GPC5: variants seen among roughly 807,000 people sequenced by gnomAD.
GPC5 encodes glypican 5.
GPC5 carries 47 observed loss-of-function variants against 53.9 expected under a neutral mutation model. The observed-to-expected ratio is 0.87, with a 90% CI of 0.69 to 1.11. The LOEUF (loss-of-function observed/expected upper bound fraction) is 1.11. Among genes scored for constraint, GPC5 ranks in the 50% most tolerant of loss-of-function variants. The probability of loss-of-function intolerance (pLI) is 0.00; values close to 1 mark genes in which losing one functional copy is unlikely to be tolerated. For synonymous variants in GPC5, 286 were observed against 263.3 expected, an observed-to-expected ratio of 1.09 and a Z score of -0.84; for missense variants, 748 against 713.1, an observed-to-expected ratio of 1.05 and a Z score of -0.56.
chr13:92,581,883 C>A (rs1420670298), intron 7 of GPC5, among the ~76,000 whole-genome samples: 3 of 152,012 alleles, frequency 2.0e-5, no homozygotes, highest in Non-Finnish European at 4.4e-5. Context: ...CTATTCATAT[C>A]TTTTGCCTAA....
chr13:91,888,021 C>T (rs1163992300), intron 5 of GPC5, among the ~76,000 whole-genome samples: 5 of 152,182 alleles, frequency 3.3e-5, no homozygotes, highest in Non-Finnish European at 7.3e-5. Context: ...GTACCAATTA[C>T]TGTCTTCGTG....
intron 5 of GPC5, among the ~76,000 whole-genome samples, chr13:91,783,127 A>G (rs1319698660): frequency 2.0e-5 from 3 of 152,138 alleles, no homozygotes; most frequent in East Asian, 3.9e-4. Flanking sequence ...AGTGGTGGAC[A>G]CCTGTAATCC....
At chr13:91,770,182 T>C (rs991772775) in intron 5 of GPC5, among the ~76,000 whole-genome samples, 1 of 152,092 alleles carries the variant, frequency 6.6e-6, no homozygotes, top group Admixed American at 6.5e-5. Context: ...ATAAATACAC[T>C]GGGCAAGCAA....
intron 6 of GPC5, among the ~76,000 whole-genome samples, chr13:92,072,707 G>C (rs1199603460): frequency 1.3e-5 from 2 of 151,058 alleles, no homozygotes; most frequent in African/African-American, 4.9e-5. Context: ...CTGAGTAGTT[G>C]AGATTACAGG....
At chr13:91,699,520 CAT>C (rs1437044816) in intron 3 of GPC5, among the ~76,000 whole-genome samples, 1 of 152,106 alleles carries the variant, frequency 6.6e-6, no homozygotes, top group Non-Finnish European at 1.5e-5. Flanking sequence ...TTTTGTTTAA[CAT>C]ATGTGGTGGG....
At chr13:92,228,396 A>G (rs758977121) in intron 7 of GPC5, among the ~76,000 whole-genome samples, 5 of 152,196 alleles carry the variant, frequency 3.3e-5, no homozygotes, top group Non-Finnish European at 7.3e-5. Context: ...TCACATAAAC[A>G]TTTATAAAAA....
At chr13:92,148,761 TG>T in intron 7 of GPC5, among the ~76,000 whole-genome samples, 1 of 152,144 alleles carries the variant, frequency 6.6e-6, no homozygotes, top group East Asian at 1.9e-4. Flanking sequence ...TAAACACAAC[TG>T]GAAAAAATAA....
intron 7 of GPC5, among the ~76,000 whole-genome samples, chr13:92,638,332 G>A (rs1164094950): frequency 6.6e-6 from 1 of 152,102 alleles, no homozygotes; most frequent in Non-Finnish European, 1.5e-5. Context: ...CAGAGGTAAA[G>A]AAAAGGAAAC....
chr13:92,488,976 C>A (rs1031022055), intron 7 of GPC5, among the ~76,000 whole-genome samples: 2 of 152,240 alleles, frequency 1.3e-5, no homozygotes, highest in Middle Eastern at 3.4e-3. Context: ...CAAGTTTAGA[C>A]AGAATTATAT....
At chr13:92,394,475 A>C (rs1875168071) in intron 7 of GPC5, among the ~76,000 whole-genome samples, 2 of 152,140 alleles carry the variant, frequency 1.3e-5, no homozygotes, top group African/African-American at 4.8e-5. Flanking sequence ...TCTCCCATGG[A>C]AGGACAAAAC....
intron 2 of GPC5, among the ~76,000 whole-genome samples, chr13:91,524,216 G>A (rs1885978452): frequency 1.3e-5 from 2 of 152,058 alleles, no homozygotes; most frequent in Admixed American, 1.3e-4. Flanking sequence ...TACTGCATTA[G>A]TTGTAGAGCT....
chr13:92,183,991 T>C (rs1384116038), intron 7 of GPC5, among the ~76,000 whole-genome samples: 2 of 152,086 alleles, frequency 1.3e-5, no homozygotes, highest in Non-Finnish European at 2.9e-5. Context: ...AAAAAAGTTA[T>C]TGAAGTGTCA....
chr13:91,716,287 C>G (rs906201061), intron 3 of GPC5, among the ~76,000 whole-genome samples: 9 of 152,006 alleles, frequency 5.9e-5, no homozygotes, highest in African/African-American at 2.2e-4. Context: ...GAATTACTGC[C>G]TGGTAGAAAG....
chr13:92,263,994 G>A (rs1320667661), intron 7 of GPC5, among the ~76,000 whole-genome samples: 1 of 152,076 alleles, frequency 6.6e-6, no homozygotes, highest in Non-Finnish European at 1.5e-5. Context: ...TGATGGATTT[G>A]TTAATCAGAT....
At chr13:92,535,202 G>A (rs1429538663) in intron 7 of GPC5, among the ~76,000 whole-genome samples, 1 of 152,040 alleles carries the variant, frequency 6.6e-6, no homozygotes, top group African/African-American at 2.4e-5. Flanking sequence ...CTCTCCCTTT[G>A]TTGTTTCTTC....
chr13:92,236,852 T>TTG (rs1348405894), intron 7 of GPC5, among the ~76,000 whole-genome samples: 1 of 151,930 alleles, frequency 6.6e-6, no homozygotes, highest in African/African-American at 2.4e-5. Flanking sequence ...CAGCATTTTT[T>TTG]TTTTGTTTTG....
At position 92,279,756 on chromosome 13, in the gene GPC5, C is replaced by T. The variant is rs188012307; in HGVS notation, c.1561+134767C>T. 3.4e-3 allele frequency among the ~76,000 whole-genome samples: 516 copies of T among 152,052 alleles called. 1 individual carries two copies. The highest frequency in any genetic ancestry group is 5.6e-3 in the Non-Finnish European group (378 of 67,910). On this transcript the variant is annotated intron_variant, in intron 7 of 7. Coordinates refer to ENST00000377067, the MANE Select transcript of GPC5 (RefSeq NM_004466.6). ...CTTACATTGAAATAAGCTTGCATTTCTAGAATAAATTCCACTTTGCTATGG... is the reference window on the plus strand; with the variant it reads ...CTTACATTGAAATAAGCTTGCATTTTTAGAATAAATTCCACTTTGCTATGG...
chr13:91,904,539 T>C (rs2039533184), intron 5 of GPC5, among the ~76,000 whole-genome samples: 1 of 152,042 alleles, frequency 6.6e-6, no homozygotes, highest in African/African-American at 2.4e-5. Flanking sequence ...ACTTTATGTA[T>C]ATAGTGTGGC....
chr13:92,066,788 AC>A (rs2041171124), intron 6 of GPC5, among the ~76,000 whole-genome samples: 1 of 152,098 alleles, frequency 6.6e-6, no homozygotes, highest in Non-Finnish European at 1.5e-5. Context: ...AGGGCTGAAT[AC>A]CAGCCTTATT....
Sources: gnomAD v4.1 joint callset for allele counts (sites outside exome capture counted in the v4.1 genomes callset) on GRCh38, gnomAD v4.1.1 for gene constraint, MANE v1.5 for transcripts, NCBI Gene and HGNC (gene_info 2026-07-23, HGNC 2026-07-21) for gene names.